TBC1D8: variants seen among roughly 807,000 people sequenced by gnomAD.
TBC1D8 encodes BUB2-like protein 1.
TBC1D8 carries 65 observed loss-of-function variants against 118.8 expected under a neutral mutation model. That is an observed-to-expected ratio of 0.55 (90% CI 0.45 to 0.67). The LOEUF (loss-of-function observed/expected upper bound fraction) is 0.67. TBC1D8 is among the 30% of genes least tolerant of loss of function. The pLI is 0.00. For synonymous variants in TBC1D8, 566 were observed against 595.8 expected (o/e 0.95, Z 0.73); for missense variants, 1,376 against 1,471.2 (o/e 0.94, Z 1.06).
intron 2 of TBC1D8, among the ~76,000 whole-genome samples, chr2:101,074,221 A>G (rs1038124908): frequency 6.6e-5 from 10 of 152,228 alleles, no homozygotes; most frequent in Non-Finnish European, 8.8e-5. Context: ...GGGATGCCCA[A>G]CAAGAAGGTG....
intron 2 of TBC1D8, among the ~76,000 whole-genome samples, chr2:101,065,458 A>C (rs1424405064): frequency 6.6e-6 from 1 of 152,234 alleles, no homozygotes; most frequent in Non-Finnish European, 1.5e-5. Flanking sequence ...AATTCAAGCA[A>C]AAATTACAAA....
At chr2:101,030,029 C>T in intron 11 of TBC1D8, 1 of 416,604 alleles carries the variant, frequency 2.4e-6, no homozygotes, top group South Asian at 4.3e-5. Context: ...AACACTAGCC[C>T]CTACCTCACA....
chr2:101,076,900 G>T (rs1176077484), intron 2 of TBC1D8, among the ~76,000 whole-genome samples: 1 of 152,236 alleles, frequency 6.6e-6, no homozygotes, highest in Non-Finnish European at 1.5e-5. Flanking sequence ...TTCTGCAGAA[G>T]CATGGCAACT....
At chr2:101,036,214 C>T (rs1451562104) in intron 8 of TBC1D8, 46 bp from the exon 9 acceptor site, 1 of 1,593,528 alleles carries the variant, frequency 6.3e-7, no homozygotes, top group Non-Finnish European at 8.6e-7. Flanking sequence ...CTGTCCTCAC[C>T]ACCCCCCACC....
chr2:101,094,369 T>C (rs901293644), intron 1 of TBC1D8, among the ~76,000 whole-genome samples: 4 of 152,062 alleles, frequency 2.6e-5, no homozygotes, highest in Non-Finnish European at 1.5e-5. Context: ...TTGCAGGGGA[T>C]TGATAAAACA....
At chr2:101,029,406 A>T in intron 12 of TBC1D8, 85 bp downstream of exon 12, 1 of 1,467,100 alleles carries the variant, frequency 6.8e-7, no homozygotes, top group Non-Finnish European at 9.1e-7. Context: ...AAAAAAAAAA[A>T]AAACTTCCCC....
chr2:101,035,932 A>G, intron 9 of TBC1D8, 86 bp downstream of exon 9: 1 of 1,480,434 alleles, frequency 6.8e-7, no homozygotes, highest in Non-Finnish European at 9.3e-7. Context: ...TCATCTGCAC[A>G]TAAACACACG....
intron 2 of TBC1D8, among the ~76,000 whole-genome samples, chr2:101,065,101 C>T (rs531289934): frequency 6.6e-6 from 1 of 152,266 alleles, no homozygotes; most frequent in Admixed American, 6.5e-5. Flanking sequence ...TGTCTATGCC[C>T]ACAGCTCCTG....
In TBC1D8 at chr2:101,081,005, G is replaced by C. The variant is rs534626338; in HGVS notation, c.283+9204C>G. On this transcript the variant is annotated intron_variant, in intron 2 of 19. Coordinates refer to ENST00000409318, the MANE Select transcript of TBC1D8 (RefSeq NM_001330348.2). Reference sequence around the variant, plus strand: ...TGCCCAGGCTGGTCTTGAATTCCCAGCCTGAAGCAACCCTCCCACCTCAGC... The same window carrying C: ...TGCCCAGGCTGGTCTTGAATTCCCACCCTGAAGCAACCCTCCCACCTCAGC... 7.2e-5 allele frequency among the ~76,000 whole-genome samples: 11 copies of C among 152,070 alleles called. No homozygotes were observed. In the East Asian group the frequency reaches 1.9e-3, roughly 27 times the overall value.
chr2:101,073,296 A>T (rs867304639), intron 2 of TBC1D8, among the ~76,000 whole-genome samples: 1,326 of 75,876 alleles, frequency 0.017, 21 homozygotes, highest in African/African-American at 0.048. Flanking sequence ...ATTTTATTTT[A>T]TTTATTTTTT....
At chr2:101,119,582 G>C (rs1391392815) in intron 1 of TBC1D8, among the ~76,000 whole-genome samples, 2 of 152,192 alleles carry the variant, frequency 1.3e-5, no homozygotes, top group African/African-American at 4.8e-5. Flanking sequence ...CCCCACTCCA[G>C]AGTCTGATGT....
rs369133521 is a variant in TBC1D8, at chr2:101,088,389, G to A, written c.283+1820C>T. On this transcript the variant is annotated intron_variant, in intron 2 of 19. Transcript: ENST00000409318. ...GGCTCACTACAACCTCCTCCTCACC[G>A]CAATTCTCCTGCCTCAGCCTCCCGA... is the stretch of plus-strand genomic sequence containing the variant. Among the ~76,000 whole-genome samples, 41 of 151,676 alleles carry A rather than the reference G, an allele frequency of 2.7e-4. No individual in the cohort carries two copies. The East Asian group carries it at 7.2e-3, about 27-fold the overall frequency.
At chr2:101,090,463 G>A in intron 1 of TBC1D8, 99 bp from the exon 2 acceptor site, 1 of 1,297,674 alleles carries the variant, frequency 7.7e-7, no homozygotes, top group Non-Finnish European at 1.1e-6. Context: ...TCCATGCTGG[G>A]GTAGCAGAGA....
chr2:101,032,402 G>A lies in TBC1D8; in HGVS notation c.1819-17C>T, dbSNP rs1680722544. On this transcript the variant is annotated splice_polypyrimidine_tract_variant and intron_variant, in intron 10 of 19. Coordinates refer to ENST00000409318, the MANE Select transcript of TBC1D8 (RefSeq NM_001330348.2). ...GTTCATGGACTGCTCGGGGGTCAAG[G>A]AGGGCAGTTACTGACTGGCCCATGT... 1.9e-6 allele frequency: 3 copies of A among 1,606,582 alleles called. No homozygotes were observed. Among genetic ancestry groups the A allele is most frequent in the African/African-American group, 1.3e-5 (1 of 74,784 alleles).
chr2:101,083,831 A>G (rs1247548554), intron 2 of TBC1D8, among the ~76,000 whole-genome samples: 2 of 152,204 alleles, frequency 1.3e-5, no homozygotes, highest in East Asian at 3.9e-4. Flanking sequence ...CCTTTGCTCA[A>G]TGCTCAAGAC....
intron 15 of TBC1D8, among the ~76,000 whole-genome samples, chr2:101,026,753 A>T (rs1434377262): frequency 1.3e-5 from 2 of 152,062 alleles, no homozygotes; most frequent in Non-Finnish European, 2.9e-5. Flanking sequence ...GAGCAAGAAA[A>T]CTCTAGTAAT....
chr2:101,030,479 G>C (rs1680605845), intron 11 of TBC1D8, among the ~76,000 whole-genome samples: 1 of 152,150 alleles, frequency 6.6e-6, no homozygotes, highest in African/African-American at 2.4e-5. Context: ...TTACCCACTA[G>C]ATGCCTAAAA....
At chr2:101,065,384 A>G (rs1242302056) in intron 2 of TBC1D8, among the ~76,000 whole-genome samples, 1 of 152,222 alleles carries the variant, frequency 6.6e-6, no homozygotes, top group Non-Finnish European at 1.5e-5. Flanking sequence ...GTTAACTGTC[A>G]TGGCAATGTC....
intron 2 of TBC1D8, among the ~76,000 whole-genome samples, chr2:101,089,926 A>T (rs1675907739): frequency 2.0e-5 from 3 of 147,110 alleles, no homozygotes; most frequent in African/African-American, 2.5e-5. Context: ...GATGGTTTTT[A>T]AAAAAAAAAA....
Sources: gnomAD v4.1 joint callset for allele counts (sites outside exome capture counted in the v4.1 genomes callset) on GRCh38, gnomAD v4.1.1 for gene constraint, MANE v1.5 for transcripts, NCBI Gene and HGNC (gene_info 2026-07-23, HGNC 2026-07-21) for gene names.